FBRSL1: variants seen among roughly 807,000 people sequenced by gnomAD.
The protein encoded by FBRSL1 is fibrosin like 1, also known as fibrosin-1-like protein.
Under a neutral mutation model 89.6 loss-of-function variants are expected in FBRSL1, and 51 were observed. That is an observed-to-expected ratio of 0.57 (90% CI 0.45 to 0.72). The LOEUF (loss-of-function observed/expected upper bound fraction) is 0.72. FBRSL1 is among the 30% of genes least tolerant of loss of function. The pLI is 0.00. For synonymous variants in FBRSL1, 779 were observed against 681.1 expected (o/e 1.14, Z -2.24); for missense variants, 1,618 against 1,451.8 (o/e 1.11, Z -1.86).
chr12:132,563,546 G>A (rs1020044882), intron 5 of FBRSL1, among the ~76,000 whole-genome samples: 13 of 152,054 alleles, frequency 8.5e-5, no homozygotes, highest in African/African-American at 2.7e-4. Flanking sequence ...ATCTCCTTCC[G>A]TCTGTCCGTT....
intron 5 of FBRSL1, among the ~76,000 whole-genome samples, chr12:132,558,958 C>G (rs1427119719): frequency 1.3e-5 from 2 of 152,276 alleles, no homozygotes; most frequent in African/African-American, 4.8e-5. Context: ...GGGTCCAGAG[C>G]TGCGCCCTCC....
intron 2 of FBRSL1, among the ~76,000 whole-genome samples, chr12:132,517,439 G>A (rs2034946092): frequency 6.6e-6 from 1 of 152,334 alleles, no homozygotes; most frequent in South Asian, 2.1e-4. Context: ...CTTCCGACTG[G>A]CATCCATTTT....
At chr12:132,564,797 T>C (rs1403603748) in intron 5 of FBRSL1, among the ~76,000 whole-genome samples, 1 of 140,552 alleles carries the variant, frequency 7.1e-6, no homozygotes, top group Non-Finnish European at 1.5e-5. Flanking sequence ...GCCCGGCTAA[T>C]TTTTTGTATT....
intron 2 of FBRSL1, chr12:132,510,893 C>T (rs1209184015): frequency 3.0e-6 from 3 of 1,009,978 alleles, no homozygotes; most frequent in Non-Finnish European, 3.5e-6. Flanking sequence ...TCTACGTGCA[C>T]GCTTGCCCCT....
chr12:132,504,847 A>G (rs1018488583), intron 1 of FBRSL1, among the ~76,000 whole-genome samples: 2 of 151,906 alleles, frequency 1.3e-5, no homozygotes, highest in Admixed American at 1.3e-4. Flanking sequence ...AGCGGGGCCC[A>G]GGCCAGGCAC....
chr12:132,496,926 G>A (rs556808673), intron 1 of FBRSL1, among the ~76,000 whole-genome samples: 5 of 152,110 alleles, frequency 3.3e-5, no homozygotes, highest in African/African-American at 1.2e-4. Context: ...CCGCTGCCCC[G>A]CGCTTCCTTC....
intron 1 of FBRSL1, among the ~76,000 whole-genome samples, chr12:132,505,435 C>G (rs2033561419): frequency 6.6e-6 from 1 of 152,074 alleles, no homozygotes; most frequent in African/African-American, 2.4e-5. Flanking sequence ...CTGGGGACTG[C>G]CCCCCGTCTG....
At chr12:132,505,120 C>T (rs1486865845) in intron 1 of FBRSL1, among the ~76,000 whole-genome samples, 2 of 152,156 alleles carry the variant, frequency 1.3e-5, no homozygotes, top group East Asian at 1.9e-4. Context: ...AGTGAGACTC[C>T]ATCTCAAAAA....
intron 2 of FBRSL1, among the ~76,000 whole-genome samples, chr12:132,515,725 C>A (rs1241207173): frequency 6.6e-6 from 1 of 151,632 alleles, no homozygotes; most frequent in Non-Finnish European, 1.5e-5. Context: ...CATGGTGAAA[C>A]CCGTCTCTAC....
In FBRSL1 at chr12:132,527,819, C is replaced by T. The variant is rs867992061; in HGVS notation, c.580-134C>T. 188 of 822,326 alleles carry T rather than the reference C, an allele frequency of 2.3e-4. 1 individual carries two copies. In the African/African-American group the frequency reaches 2.7e-3, roughly 12 times the overall value. 50.9% of individuals were successfully genotyped at this position (822,326 alleles called of 1,614,324 possible). A position where few individuals can be genotyped will look rare whatever the true frequency, so the allele number is the denominator to read the frequency against. On this transcript the variant is annotated intron_variant, in intron 3 of 18. Coordinates refer to ENST00000680143, the MANE Select transcript of FBRSL1 (RefSeq NM_001367871.1). Reference sequence around the variant, plus strand: ...TGAGGGCTTCGGGTCTGTGGATCTGCGGGGCAGGGCTGTGAGCTGCAGGGC... The same window carrying T: ...TGAGGGCTTCGGGTCTGTGGATCTGTGGGGCAGGGCTGTGAGCTGCAGGGC...
Position 132,527,196 on chromosome 12 carries a change from T to TC in FBRSL1, c.580-753dup, listed in dbSNP as rs1390474019. On this transcript the variant is annotated intron_variant, in intron 3 of 18. Transcript: ENST00000680143. ...CCTTCCTTGTCTAGCCAGGGCACCC[T>TC]CCCCAAAGTCCTGCAACCATGGACC... Among the ~76,000 whole-genome samples the TC allele has an allele frequency of 2.0e-5, 3 of 151,128 alleles. No homozygotes were observed. In the East Asian group the frequency reaches 5.9e-4, roughly 30 times the overall value.
rs2036234205 is a variant in FBRSL1 at position 132,531,038 on chromosome 12, C to A, written c.615+3050C>A. 2.0e-5 allele frequency among the ~76,000 whole-genome samples: 3 copies of A among 151,532 alleles called. No homozygotes were observed. The South Asian group carries it at 6.2e-4, about 31-fold the overall frequency. On this transcript the variant is annotated intron_variant, in intron 4 of 18. Coordinates refer to ENST00000680143, the MANE Select transcript of FBRSL1 (RefSeq NM_001367871.1). ...GAGAGCCCGGGGTGCAGGTGAGAGCCCAGGCTCCAGGCAGAGAGCAGGGAG... is the reference window on the plus strand; with the variant it reads ...GAGAGCCCGGGGTGCAGGTGAGAGCACAGGCTCCAGGCAGAGAGCAGGGAG...
intron 2 of FBRSL1, among the ~76,000 whole-genome samples, chr12:132,522,862 A>G (rs2035477780): frequency 6.6e-6 from 1 of 151,556 alleles, no homozygotes; most frequent in Admixed American, 6.6e-5. Flanking sequence ...TTCCCCCCGC[A>G]CCTGCCGCCT....
At chr12:132,512,072 CCTGGAGCAT>C (rs921513911) in intron 2 of FBRSL1, 1 of 922,160 alleles carries the variant, frequency 1.1e-6, no homozygotes, top group African/African-American at 1.8e-5. Flanking sequence ...AGAGGGGAGA[CCTGGAGCAT>C]CTGTTCCTGA....
chr12:132,530,797 C>T (rs186536042), intron 4 of FBRSL1, among the ~76,000 whole-genome samples: 2,331 of 151,602 alleles, frequency 0.015, 18 homozygotes, highest in Admixed American at 0.023. Flanking sequence ...CCCTCCAAGC[C>T]GCAGGAGCCT....
intron 15 of FBRSL1, among the ~76,000 whole-genome samples, chr12:132,579,470 T>G (rs1334806533): frequency 1.3e-5 from 2 of 152,248 alleles, no homozygotes; most frequent in Non-Finnish European, 2.9e-5. Flanking sequence ...GAAGTGCGTA[T>G]CTGTTTTGAA....
chr12:132,547,042 G>C (rs951639040), intron 4 of FBRSL1, among the ~76,000 whole-genome samples: 1 of 152,192 alleles, frequency 6.6e-6, no homozygotes, highest in Non-Finnish European at 1.5e-5. Flanking sequence ...TTCATTCGAC[G>C]TGAATGCCTC....
intron 4 of FBRSL1, among the ~76,000 whole-genome samples, chr12:132,528,429 A>G (rs932222909): frequency 1.3e-5 from 2 of 152,122 alleles, no homozygotes; most frequent in Admixed American, 1.3e-4. Flanking sequence ...GCCACCTCCA[A>G]TGCCCTGACC....
In FBRSL1 at chr12:132,583,589, T is replaced by A. The variant is rs1231955193; in HGVS notation, c.2820T>A (p.Asn940Lys). The change falls in exon 19 of 19, where the codon AAT becomes AAA. Residue 940 changes from asparagine to lysine, a missense_variant. By Grantham distance (94) the Asn-to-Lys change is moderately conservative. Coordinates refer to ENST00000680143, the MANE Select transcript of FBRSL1 (RefSeq NM_001367871.1). ...GCCTCTCGCCCGCCGCGCTGCACAA[T>A]GGGCTCCTGGCGCGGACCCCGCCCG... ...FPRLSPAALH[N>K]GLLARTPPAA... 28 of 997,756 alleles carry A rather than the reference T, an allele frequency of 2.8e-5. No individual in the cohort carries two copies. Among genetic ancestry groups the A allele is most frequent in the Non-Finnish European group, 3.3e-5 (28 of 839,218 alleles). 61.8% of individuals were successfully genotyped at this position (997,756 alleles called of 1,614,324 possible).
Sources: allele counts gnomAD v4.1 joint callset (sites outside exome capture counted in the v4.1 genomes callset), GRCh38; gene constraint gnomAD v4.1.1; transcripts MANE v1.5; gene names NCBI Gene and HGNC (gene_info 2026-07-23, HGNC 2026-07-21).